Variants in RAD52 observed in about 807,000 individuals in gnomAD.
RAD52 encodes the protein RAD52 DNA repair protein.
RAD52 carries 47 observed loss-of-function variants against 55.5 expected under a neutral mutation model. The observed-to-expected ratio is 0.85, with a 90% CI of 0.67 to 1.08. The LOEUF is 1.08. Ranked by LOEUF, RAD52 falls within the 50% of genes least tolerant of loss-of-function variation. RAD52 has a pLI of 0.00. For synonymous variants in RAD52, 184 were observed against 198.9 expected (o/e 0.92, Z 0.63); for missense variants, 468 against 522.8 (o/e 0.90, Z 1.02).
chr12:922,713 A>G (rs974330958), intron 7 of RAD52, among the ~76,000 whole-genome samples: 2 of 152,208 alleles, frequency 1.3e-5, no homozygotes, highest in Non-Finnish European at 2.9e-5. Flanking sequence ...ACATATACCT[A>G]TAATCTCAGC....
intron 1 of RAD52, among the ~76,000 whole-genome samples, chr12:957,783 C>T (rs955197968): frequency 1.3e-5 from 2 of 152,142 alleles, no homozygotes; most frequent in African/African-American, 2.4e-5. Context: ...GAGTGAGGCC[C>T]TATCTCAAAA....
At position 916,620 on chromosome 12, in the gene RAD52, G is replaced by A. The variant is rs778221291; in HGVS notation, c.725+19C>T. On this transcript the variant is annotated intron_variant, in intron 8 of 11. Transcript: ENST00000358495. Reference sequence around the variant, plus strand: ...ACAGGAGGGGCCGCAGAGGAAAGGAGGGGACTTAGGCCGCATACCGGGAGC... The same window carrying A: ...ACAGGAGGGGCCGCAGAGGAAAGGAAGGGACTTAGGCCGCATACCGGGAGC... The A allele has an allele frequency of 5.0e-6, 8 of 1,607,850 alleles. No homozygotes were observed. The highest frequency in any genetic ancestry group is 8.5e-7 in the Non-Finnish European group (1 of 1,175,822).
chr12:957,375 A>T (rs1310734068), intron 1 of RAD52, among the ~76,000 whole-genome samples: 1 of 149,052 alleles, frequency 6.7e-6, no homozygotes, highest in African/African-American at 2.5e-5. Context: ...AGGCAGGAGA[A>T]TCGCTTAAGC....
chr12:981,168 CAA>C (rs35150113), intron 1 of RAD52, among the ~76,000 whole-genome samples: 3 of 130,474 alleles, frequency 2.3e-5, no homozygotes. Flanking sequence ...CCGTCTCTAC[CAA>C]AAAAAAAAAA....
chr12:982,051 G>A (rs888700487), intron 1 of RAD52, among the ~76,000 whole-genome samples: 5 of 152,136 alleles, frequency 3.3e-5, no homozygotes, highest in African/African-American at 1.2e-4. Flanking sequence ...TATCTTCTGG[G>A]CCTGCAGTTC....
At position 985,678 on chromosome 12, in the gene RAD52, CATTT is replaced by C. The variant is rs920840171; in HGVS notation, c.-19+4127_-19+4130del. Among the ~76,000 whole-genome samples the C allele has an allele frequency of 1.9e-4, 29 of 152,090 alleles. 1 individual carries two copies. Among genetic ancestry groups the C allele is most frequent in the African/African-American group, 6.0e-4 (25 of 41,506 alleles). ...TTCAAGCACCACTTTTTTTAAAAAA[CATTT>C]ATTTATTTATTTATTTTGAGACGGA... On this transcript the variant is annotated intron_variant, in intron 1 of 11. Transcript: ENST00000430095.
chr12:917,708 AAAAATAC>A (rs1259597145), intron 7 of RAD52, among the ~76,000 whole-genome samples: 6 of 128,946 alleles, frequency 4.7e-5, no homozygotes, highest in African/African-American at 1.5e-4. Context: ...GCAAAAATAC[AAAAATAC>A]AAAAAAAAAA....
chr12:957,080 A>C (rs1324111290), intron 1 of RAD52, among the ~76,000 whole-genome samples: 1 of 152,226 alleles, frequency 6.6e-6, no homozygotes, highest in African/African-American at 2.4e-5. Context: ...AAAAGTCCTT[A>C]TCTGGGCCAA....
At chr12:974,698 A>G (rs1958913366) in intron 1 of RAD52, 2 of 152,208 alleles carry the variant, frequency 1.3e-5, no homozygotes, top group Admixed American at 1.3e-4. Flanking sequence ...ACCTCATCAA[A>G]TACTTACTAC....
intron 6 of RAD52, chr12:926,757 G>C (rs1430387245): frequency 2.0e-6 from 3 of 1,510,402 alleles, no homozygotes; most frequent in Admixed American, 4.0e-5. Context: ...GACTAACACG[G>C]ACATCTGCGT....
chr12:978,911 T>TAGAC (rs1450286642), intron 1 of RAD52, among the ~76,000 whole-genome samples: 13 of 151,392 alleles, frequency 8.6e-5, no homozygotes, highest in Admixed American at 2.6e-4. Context: ...GATAGATAGA[T>TAGAC]AGATAGACAG....
rs750617307 is a variant in RAD52 at position 916,389 on chromosome 12, T to G, written c.820A>C (p.Lys274Gln). The change falls in exon 9 of 12, where the codon AAG becomes CAG. Residue 274 changes from lysine (K) to glutamine (Q), a missense_variant. Lys to Gln is a moderately conservative substitution (Grantham distance 53). Coordinates refer to ENST00000358495, the MANE Select transcript of RAD52 (RefSeq NM_134424.4). ...LQQQFRERMEKQQVRVSTPSA... is the reference protein window; with the variant it reads ...LQQQFRERMEQQQVRVSTPSA... ...GGCGTGGAGACTCGAACCTGCTGCT[T>G]CTCCATCCGCTCCCGGAACTGCTGC... 1.2e-6 allele frequency: 2 copies of G among 1,608,830 alleles called. No individual in the cohort carries two copies. The highest frequency in any genetic ancestry group is 1.1e-5 in the South Asian group (1 of 90,958).
At chr12:927,385 G>C (rs1440112571) in intron 5 of RAD52, 122 bp from the exon 6 acceptor site, 1 of 737,712 alleles carries the variant, frequency 1.4e-6, no homozygotes, top group African/African-American at 1.7e-5. Context: ...TGCTACAGGG[G>C]CACGGGCAGA....
rs756783783 is a variant in RAD52 at position 914,138 on chromosome 12, A to G, written c.968-17T>C. On this transcript the variant is annotated splice_polypyrimidine_tract_variant and intron_variant, in intron 10 of 11. Coordinates refer to ENST00000358495, the MANE Select transcript of RAD52 (RefSeq NM_134424.4). ...CAAGAGTCTCTACAGAGGTCAAGGA[A>G]AAGTGCGTCATCAGCAAATAATGAA... 5.0e-6 allele frequency: 8 copies of G among 1,596,988 alleles called. No individual in the cohort carries two copies. The highest frequency in any genetic ancestry group is 6.0e-6 in the Non-Finnish European group (7 of 1,165,270).
At chr12:952,753 A>G (rs1398772544), upstream of RAD52, among the ~76,000 whole-genome samples, 5 of 148,998 alleles carry the variant, frequency 3.4e-5, no homozygotes, top group African/African-American at 1.2e-4. Flanking sequence ...TTAGCTGGGC[A>G]TGGTGGTGGG....
chr12:927,083 C>T lies in RAD52; in HGVS notation c.467+62G>A, dbSNP rs1302915318. 2.9e-5 allele frequency: 45 copies of T among 1,557,782 alleles called. No individual in the cohort carries two copies. In the East Asian group the frequency reaches 7.6e-4, roughly 26 times the overall value. On this transcript the variant is annotated intron_variant, in intron 6 of 11. Coordinates refer to ENST00000358495, the MANE Select transcript of RAD52 (RefSeq NM_134424.4). ...ATGTGTTACCTCTTCCAAAAAAAAT[C>T]GAAATCTGCTCTGAAGCAAGAGCTG...
At chr12:965,926 C>T (rs1034108316) in intron 1 of RAD52, among the ~76,000 whole-genome samples, 10 of 151,954 alleles carry the variant, frequency 6.6e-5, no homozygotes, top group Admixed American at 1.3e-4. Context: ...CCTCATGATC[C>T]TCCCGCCTTG....
intron 1 of RAD52, among the ~76,000 whole-genome samples, chr12:945,134 T>G (rs1958139970): frequency 6.6e-6 from 1 of 152,088 alleles, no homozygotes; most frequent in African/African-American, 2.4e-5. Flanking sequence ...ACAGATCACC[T>G]GAGGTCAGGA....
In RAD52 at chr12:930,123, G is replaced by A. The variant is rs11571421; in HGVS notation, c.208C>T (p.Arg70Trp). 8.7e-6 allele frequency: 14 copies of A among 1,613,686 alleles called. No homozygotes were observed. The highest frequency in any genetic ancestry group is 4.4e-5 in the South Asian group (4 of 91,050). ...ATCTCATTGGCCAGATTAATTACCC[G>A]ATGACCCTCAATGTAGCACACCTAG... Reference protein sequence around the residue: ...GQKVCYIEGHRVINLANEMFG... With the variant: ...GQKVCYIEGHWVINLANEMFG... Residue 70 changes from arginine (R) to tryptophan (W), a missense_variant, in exon 4 of 12, where the codon CGG becomes TGG. Arg to Trp is a moderately radical substitution (Grantham distance 101). Coordinates refer to ENST00000358495, the MANE Select transcript of RAD52 (RefSeq NM_134424.4).
Sources: gnomAD v4.1 joint callset for allele counts (sites outside exome capture counted in the v4.1 genomes callset) on GRCh38, gnomAD v4.1.1 for gene constraint, MANE v1.5 for transcripts, NCBI Gene and HGNC (gene_info 2026-07-23, HGNC 2026-07-21) for gene names.